Variants in PDS5A observed in about 807,000 individuals in gnomAD.
PDS5A encodes the protein PDS5 cohesin associated factor A.
In PDS5A, 42 loss-of-function variants were observed where a neutral mutation model predicts 167.1. That is an observed-to-expected ratio of 0.25 (90% CI 0.20 to 0.33). The LOEUF (loss-of-function observed/expected upper bound fraction) is 0.33, where lower values mean the gene tolerates loss of function less well. Ranked by LOEUF, PDS5A falls within the 10% of genes least tolerant of loss-of-function variation. The pLI is 1.00. For missense variants in PDS5A, 1,033 were observed against 1,605.9 expected (o/e 0.64, Z 6.10); for synonymous variants, 553 against 554.6 (o/e 1.00, Z 0.04).
At chr4:39,890,193 A>G (rs1721841020) in intron 17 of PDS5A, 56 bp downstream of exon 17, 5 of 949,794 alleles carry the variant, frequency 5.3e-6, no homozygotes, top group Non-Finnish European at 8.1e-6. Flanking sequence ...TTAAATTAAC[A>G]ACATTGTCGT....
rs145357598 is a variant in PDS5A at position 39,952,436 on chromosome 4, A to G, written c.138+24004T>C. Among the ~76,000 whole-genome samples the G allele has an allele frequency of 2.6e-4, 40 of 152,350 alleles. No individual in the cohort carries two copies. In the East Asian group the frequency reaches 7.7e-3, roughly 29 times the overall value. On this transcript the variant is annotated intron_variant, in intron 2 of 32. Coordinates refer to ENST00000303538, the MANE Select transcript of PDS5A (RefSeq NM_001100399.2). ...ATGAGTTAATTATAGGAGCTCTTTC[A>G]GCAAGTATAAAATTAAAATTTTGTA...
intron 14 of PDS5A, among the ~76,000 whole-genome samples, chr4:39,899,216 CTT>C (rs1216855678): frequency 2.0e-5 from 3 of 151,984 alleles, no homozygotes; most frequent in Non-Finnish European, 4.4e-5. Context: ...AGAGAAGAAA[CTT>C]TTTTTTCTGC....
At chr4:39,912,986 G>C (rs758356623) in intron 9 of PDS5A, among the ~76,000 whole-genome samples, 126 of 152,068 alleles carry the variant, frequency 8.3e-4, no homozygotes, top group Non-Finnish European at 1.9e-4. Context: ...CTGACAAATG[G>C]CACAGGTTCT....
chr4:39,854,384 C>T (rs1378537918), intron 26 of PDS5A, among the ~76,000 whole-genome samples: 1 of 152,134 alleles, frequency 6.6e-6, no homozygotes, highest in African/African-American at 2.4e-5. Context: ...GTAACATTTC[C>T]AGTACACGTA....
chr4:39,843,004 TG>T (rs1179386012), intron 30 of PDS5A, among the ~76,000 whole-genome samples: 1 of 147,984 alleles, frequency 6.8e-6, no homozygotes, highest in Admixed American at 6.8e-5. Flanking sequence ...CTAGAACTCC[TG>T]GGCTCAAGTG....
intron 2 of PDS5A, among the ~76,000 whole-genome samples, chr4:39,962,616 C>T (rs563165628): frequency 5.7e-4 from 87 of 151,556 alleles, no homozygotes; most frequent in African/African-American, 2.1e-3. Flanking sequence ...CCATCCTGGC[C>T]AACATGGTGA....
At chr4:39,871,309 C>T (rs1045667508) in intron 21 of PDS5A, among the ~76,000 whole-genome samples, 5 of 152,042 alleles carry the variant, frequency 3.3e-5, no homozygotes, top group African/African-American at 7.2e-5. Flanking sequence ...AAAAAAAGAC[C>T]GTCTGAAAAC....
chr4:39,866,703 A>G (rs1719486937), intron 23 of PDS5A, among the ~76,000 whole-genome samples, 158 bp downstream of exon 23: 1 of 152,240 alleles, frequency 6.6e-6, no homozygotes, highest in South Asian at 2.1e-4. Context: ...TAAAATAACA[A>G]TACTGACAGA....
chr4:39,943,221 G>A (rs1219407475), intron 2 of PDS5A, among the ~76,000 whole-genome samples: 1 of 150,000 alleles, frequency 6.7e-6, no homozygotes, highest in Non-Finnish European at 1.5e-5. Context: ...TATTAATAAA[G>A]CAACAAAGAC....
chr4:39,849,403 G>T (rs1578600643), intron 27 of PDS5A, 117 bp downstream of exon 27: 3 of 647,022 alleles, frequency 4.6e-6, no homozygotes, highest in African/African-American at 2.1e-5. Flanking sequence ...ATTTACTTTT[G>T]TAAACATTCT....
rs367805594 is a variant in PDS5A at position 39,854,633 on chromosome 4, C to CGT, written c.3087-4982_3087-4981insAC. Among the ~76,000 whole-genome samples the CGT allele has an allele frequency of 4.0e-3, 608 of 152,268 alleles. 1 individual carries two copies. The highest frequency in any genetic ancestry group is 6.5e-3 in the Non-Finnish European group (439 of 68,034). On this transcript the variant is annotated intron_variant, in intron 26 of 32. Transcript: ENST00000303538. ...GAGTTATGTGCCTATTCTAGGTACT[C>CGT]CCACAATAGCAGAGCATATATCACA...
intron 32 of PDS5A, 75 bp downstream of exon 32, chr4:39,837,781 G>T: frequency 1.9e-6 from 2 of 1,078,340 alleles, no homozygotes; most frequent in South Asian, 1.6e-5. Flanking sequence ...TGTTTGGGGT[G>T]ACTGGCACTA....
At chr4:39,891,357 A>C (rs1721944565) in intron 16 of PDS5A, among the ~76,000 whole-genome samples, 2 of 151,764 alleles carry the variant, frequency 1.3e-5, no homozygotes, top group Non-Finnish European at 2.9e-5. Context: ...CTTAAAAAAT[A>C]CATATTCAGG....
Position 39,849,437 on chromosome 4 carries a change from CCAAA to C in PDS5A, c.3219+79_3219+82del. On this transcript the variant is annotated intron_variant, in intron 27 of 32. Coordinates refer to ENST00000303538, the MANE Select transcript of PDS5A (RefSeq NM_001100399.2). Reference sequence around the variant, plus strand: ...CTAAAATTTAAATTACTACGTATGGCCAAAAAAAAAAAAAAAAAACCAAGTGGGA... The same window carrying C: ...CTAAAATTTAAATTACTACGTATGGCAAAAAAAAAAAAAAACCAAGTGGGA... 2.2e-5 allele frequency: 12 copies of C among 537,360 alleles called. No individual in the cohort carries two copies. In the African/African-American group the frequency reaches 2.9e-4, roughly 13 times the overall value. The allele number at this position is 537,360 out of a possible 1,614,324, so 33.3% of individuals were successfully genotyped here. A position where few individuals can be genotyped will look rare whatever the true frequency, so the allele number is the denominator to read the frequency against.
chr4:39,910,774 T>C (rs902237825), intron 9 of PDS5A, among the ~76,000 whole-genome samples: 3 of 152,194 alleles, frequency 2.0e-5, no homozygotes, highest in South Asian at 4.1e-4. Context: ...ACAGGTGGAT[T>C]GCTTGTGGCC....
chr4:39,939,086 A>G (rs904870515), intron 2 of PDS5A, among the ~76,000 whole-genome samples: 1 of 152,142 alleles, frequency 6.6e-6, no homozygotes, highest in African/African-American at 2.4e-5. Context: ...GAAAAAAGCC[A>G]GTCATGTTGG....
intron 2 of PDS5A, among the ~76,000 whole-genome samples, chr4:39,960,022 G>A (rs1476710398): frequency 6.6e-6 from 1 of 152,130 alleles, no homozygotes; most frequent in Non-Finnish European, 1.5e-5. Context: ...GAAACTGGGA[G>A]GTGGAGGTTG....
intron 2 of PDS5A, among the ~76,000 whole-genome samples, chr4:39,931,767 A>C (rs929286620): frequency 3.9e-5 from 6 of 152,164 alleles, no homozygotes; most frequent in African/African-American, 1.4e-4. Flanking sequence ...GGGACTATAC[A>C]AGGGAGTAAA....
At chr4:39,913,571 T>C (rs368137902) in intron 9 of PDS5A, 40 bp downstream of exon 9, 321 of 1,135,342 alleles carry the variant, frequency 2.8e-4, no homozygotes, top group Non-Finnish European at 3.2e-4. Context: ...CTACTGACTA[T>C]TTTCTAAAAT....
Sources: allele counts gnomAD v4.1 joint callset (sites outside exome capture counted in the v4.1 genomes callset), GRCh38; gene constraint gnomAD v4.1.1; transcripts MANE v1.5; gene names NCBI Gene and HGNC (gene_info 2026-07-23, HGNC 2026-07-21).